HCN1: variants seen among roughly 807,000 people sequenced by gnomAD.
The protein encoded by HCN1 is hyperpolarization activated cyclic nucleotide gated potassium channel 1.
HCN1 carries 13 observed loss-of-function variants against 78.9 expected under a neutral mutation model. The ratio of observed to expected loss-of-function variants is 0.16; its 90% CI spans 0.11 to 0.26. The LOEUF (loss-of-function observed/expected upper bound fraction) is 0.26. Ranked by LOEUF, HCN1 falls within the 10% of genes least tolerant of loss-of-function variation. The pLI is 1.00. For synonymous variants in HCN1, 552 were observed against 455.5 expected, an observed-to-expected ratio of 1.21 and a Z score of -2.70; for missense variants, 810 against 1,154.3, an observed-to-expected ratio of 0.70 and a Z score of 4.32.
intron 1 of HCN1, among the ~76,000 whole-genome samples, chr5:45,668,177 A>G (rs1366244772): frequency 1.3e-5 from 2 of 151,952 alleles, no homozygotes; most frequent in African/African-American, 4.8e-5. Context: ...AATGAAAAAT[A>G]ATCTGTATTT....
At chr5:45,278,559 A>G (rs1198181307) in intron 6 of HCN1, among the ~76,000 whole-genome samples, 1 of 152,162 alleles carries the variant, frequency 6.6e-6, no homozygotes, top group African/African-American at 2.4e-5. Flanking sequence ...AATTGAAAGT[A>G]ATAATTACAA....
intron 3 of HCN1, among the ~76,000 whole-genome samples, chr5:45,454,506 A>T (rs532962144): frequency 2.0e-4 from 31 of 151,986 alleles, no homozygotes; most frequent in Admixed American, 6.6e-4. Context: ...AAAATAAAAA[A>T]AAATAAAATC....
Position 45,461,908 on chromosome 5 carries a change from A to G in HCN1, c.949T>C (p.Phe317Leu). Residue 317 changes from phenylalanine to leucine, a missense_variant, in exon 3 of 8, where the codon TTC (phenylalanine) becomes CTC (leucine). Physicochemically the swap from Phe to Leu is conservative, Grantham distance 22. Coordinates refer to ENST00000303230, the MANE Select transcript of HCN1 (RefSeq NM_021072.4). ...LLCHWDGCLQ[F>L]LVPLLQDFPP... ...AAGTCCTGCAGTAGTGGTACTAAGA[A>G]CTGAAGACAACCATCCCAGTGGCAC... 6.2e-7 allele frequency: 1 copy of G among 1,613,580 alleles called. No individual in the cohort carries two copies. The highest frequency in any genetic ancestry group is 8.5e-7 in the Non-Finnish European group (1 of 1,179,646).
At chr5:45,372,151 T>C (rs1467548867) in intron 4 of HCN1, among the ~76,000 whole-genome samples, 1 of 58,300 alleles carries the variant, frequency 1.7e-5, no homozygotes, top group Non-Finnish European at 2.6e-5. Context: ...ATATATTATA[T>C]AATATGTTAT....
Position 45,262,492 on chromosome 5 carries a change from G to A in HCN1, c.2102C>T (p.Thr701Ile). ...SAILSPCSYT[T>I]AVCSPPVQSP... ...CTGTACAGGAGGGCTGCAGACCGCG[G>A]TGGTGTAGGAGCAGGGTGACAGGAT... The change falls in exon 8 of 8, where the codon ACC (threonine) becomes ATC (isoleucine). Residue 701 changes from threonine to isoleucine, a missense_variant. Around this residue, in one of 6 missense-constraint regions of HCN1, gnomAD observed 398 missense variants for 381.3 expected, o/e 1.04. Transcript: ENST00000303230. 1 of 1,613,634 alleles carries A rather than the reference G, an allele frequency of 6.2e-7. No individual in the cohort carries two copies. The highest frequency in any genetic ancestry group is 1.3e-5 in the African/African-American group (1 of 74,986).
chr5:45,417,988 T>C (rs1740152259), intron 3 of HCN1, among the ~76,000 whole-genome samples: 1 of 151,874 alleles, frequency 6.6e-6, no homozygotes, highest in Admixed American at 6.6e-5. Context: ...AAAGTTGAAG[T>C]TGGGCATGGA....
chr5:45,266,210 A>T (rs1011966370), intron 7 of HCN1, among the ~76,000 whole-genome samples: 15 of 152,070 alleles, frequency 9.9e-5, no homozygotes, highest in South Asian at 2.1e-4. Context: ...GTATATATAT[A>T]TTTTTTTATT....
intron 2 of HCN1, among the ~76,000 whole-genome samples, chr5:45,595,660 GTGGTCCAGCATACTATGC>G (rs1490269056): frequency 6.6e-6 from 1 of 151,832 alleles, no homozygotes; most frequent in Non-Finnish European, 1.5e-5. Flanking sequence ...TTGAAATCCT[GTGGTCCAGCATACTATGC>G]TGGCTCTTCC....
At chr5:45,506,934 T>G (rs979059995) in intron 2 of HCN1, among the ~76,000 whole-genome samples, 9 of 152,106 alleles carry the variant, frequency 5.9e-5, no homozygotes, top group Non-Finnish European at 1.3e-4. Context: ...AAAAGTGACA[T>G]TTCTTAATGG....
chr5:45,550,027 G>A (rs1346477225), intron 2 of HCN1, among the ~76,000 whole-genome samples: 1 of 152,068 alleles, frequency 6.6e-6, no homozygotes, highest in Non-Finnish European at 1.5e-5. Context: ...TGGAGAAATA[G>A]GAACACTTTT....
intron 5 of HCN1, among the ~76,000 whole-genome samples, chr5:45,315,779 T>A (rs939855317): frequency 2.6e-5 from 4 of 152,056 alleles, no homozygotes; most frequent in African/African-American, 4.8e-5. Context: ...GAGAATACTA[T>A]AAACACCTCT....
At chr5:45,632,734 T>C (rs1261923406) in intron 2 of HCN1, among the ~76,000 whole-genome samples, 1 of 152,024 alleles carries the variant, frequency 6.6e-6, no homozygotes, top group African/African-American at 2.4e-5. Flanking sequence ...GTGGAAAGAA[T>C]GCATTGGTTT....
At chr5:45,285,197 A>G (rs914751862) in intron 6 of HCN1, among the ~76,000 whole-genome samples, 2 of 151,920 alleles carry the variant, frequency 1.3e-5, no homozygotes, top group African/African-American at 4.8e-5. Flanking sequence ...TTGACACACT[A>G]CTATTCAATT....
Position 45,261,979 on chromosome 5 carries a change from G to A in HCN1, c.2615C>T (p.Ser872Phe), listed in dbSNP as rs199774910. The change falls in exon 8 of 8, where the codon TCC becomes TTC. Residue 872 changes from serine (S) to phenylalanine (F), a missense_variant. Physicochemically the swap from Ser to Phe is radical, Grantham distance 155 (BLOSUM62 -2). This residue lies in a region of HCN1 where 398 missense variants were observed against 381.3 expected (regional missense o/e 1.04). Transcript: ENST00000303230. ...PPAAALPRES[S>F]SVLNTDPDAE... ...GTCTGGGTCTGTGTTTAAGACTGAG[G>A]AAGATTCTCTTGGAAGAGCAGCTGC... 4.3e-6 allele frequency: 7 copies of A among 1,614,140 alleles called. No individual in the cohort carries two copies. The East Asian group carries it at 1.3e-4, about 31-fold the overall frequency.
At chr5:45,375,329 A>G (rs1179044039) in intron 4 of HCN1, among the ~76,000 whole-genome samples, 2 of 123,542 alleles carry the variant, frequency 1.6e-5, no homozygotes, top group South Asian at 2.3e-4. Flanking sequence ...ATAATATTTT[A>G]TGATATACAA....
chr5:45,602,369 G>T (rs974116888), intron 2 of HCN1, among the ~76,000 whole-genome samples: 1 of 152,082 alleles, frequency 6.6e-6, no homozygotes, highest in Non-Finnish European at 1.5e-5. Flanking sequence ...AGACGTCATG[G>T]ATGTGCACAC....
At chr5:45,388,552 C>T (rs1294446095) in intron 4 of HCN1, among the ~76,000 whole-genome samples, 40 of 152,104 alleles carry the variant, frequency 2.6e-4, no homozygotes, top group Admixed American at 2.6e-3. Context: ...TCAAGCCCCA[C>T]TGCAAATTTA....
At position 45,443,777 on chromosome 5, in the gene HCN1, T is replaced by C. The variant is rs567229395; in HGVS notation, c.1011+18069A>G. ...TGTGTTCCAAATAGAAACTGACAAA[T>C]AGTTAATTTAATCTAGAAGGCTATT... On this transcript the variant is annotated intron_variant, in intron 3 of 7. Transcript: ENST00000303230. Among the ~76,000 whole-genome samples, 3 of 152,238 alleles carry C rather than the reference T, an allele frequency of 2.0e-5. No homozygotes were observed. The East Asian group carries it at 5.8e-4, about 29-fold the overall frequency.
chr5:45,379,729 G>A (rs764462319), intron 4 of HCN1, among the ~76,000 whole-genome samples: 45 of 151,962 alleles, frequency 3.0e-4, no homozygotes, highest in Non-Finnish European at 4.9e-4. Context: ...CAAGGGGCTT[G>A]GATAGTGCTA....
Sources: allele counts gnomAD v4.1 joint callset (sites outside exome capture counted in the v4.1 genomes callset), GRCh38; gene constraint gnomAD v4.1.1; regional missense constraint gnomAD v4.1.1; transcripts MANE v1.5; gene names NCBI Gene and HGNC (gene_info 2026-07-23, HGNC 2026-07-21).